CACNA1D: variants seen among roughly 807,000 people sequenced by gnomAD.
CACNA1D encodes voltage-dependent L-type calcium channel subunit alpha-1D.
A neutral mutation model predicts 257.1 loss-of-function variants in CACNA1D; 55 were observed. The observed-to-expected ratio is 0.21, with a 90% CI of 0.17 to 0.27. The LOEUF is 0.27. CACNA1D is among the 10% of genes least tolerant of loss of function. The probability of loss-of-function intolerance (pLI) is 1.00; values close to 1 mark genes in which losing one functional copy is unlikely to be tolerated. For synonymous variants in CACNA1D, 980 were observed against 1,014.9 expected (o/e 0.97, Z 0.65); for missense variants, 1,876 against 2,784.0 (o/e 0.67, Z 7.34).
intron 3 of CACNA1D, among the ~76,000 whole-genome samples, chr3:53,628,036 T>C (rs2093779848): frequency 6.6e-6 from 1 of 151,794 alleles, no homozygotes; most frequent in South Asian, 2.1e-4. Flanking sequence ...AATAAATAAA[T>C]AAAATAAAAT....
intron 3 of CACNA1D, among the ~76,000 whole-genome samples, chr3:53,552,897 T>G (rs972516463): frequency 2.0e-5 from 3 of 152,236 alleles, no homozygotes; most frequent in Non-Finnish European, 4.4e-5. Flanking sequence ...TTTTATTTTG[T>G]GTATTCCCAC....
At chr3:53,808,570 G>A (rs111589544) in intron 45 of CACNA1D, 79 bp from the exon 46 acceptor site, 65 of 1,569,454 alleles carry the variant, frequency 4.1e-5, no homozygotes, top group Non-Finnish European at 5.2e-5. Flanking sequence ...CTGAGCATCC[G>A]GGGCCACCCT....
chr3:53,628,421 A>G (rs1258376991), intron 3 of CACNA1D, among the ~76,000 whole-genome samples: 1 of 152,236 alleles, frequency 6.6e-6, no homozygotes, highest in Non-Finnish European at 1.5e-5. Flanking sequence ...CTGACAGACC[A>G]AATTATAGTA....
intron 3 of CACNA1D, among the ~76,000 whole-genome samples, chr3:53,582,531 T>C (rs751383118): frequency 1.3e-5 from 2 of 152,034 alleles, no homozygotes; most frequent in Non-Finnish European, 2.9e-5. Flanking sequence ...GGGACTGGGA[T>C]GTGAACATTT....
intron 47 of CACNA1D, 145 bp downstream of exon 47, chr3:53,810,443 T>A: frequency 1.3e-6 from 1 of 793,258 alleles, no homozygotes; most frequent in Non-Finnish European, 2.2e-6. Context: ...AGCAGGAATG[T>A]ACCTGAAGCA....
chr3:53,683,710 C>T lies in CACNA1D; in HGVS notation c.1220+10584C>T, dbSNP rs554066186. 2.0e-5 allele frequency among the ~76,000 whole-genome samples: 3 copies of T among 152,052 alleles called. No homozygotes were observed. In the South Asian group the frequency reaches 6.2e-4, roughly 32 times the overall value. On this transcript the variant is annotated intron_variant, in intron 8 of 47. Transcript: ENST00000350061. ...ACATAATAAAAGAATAGGTAAATCT[C>T]AGTAGGTAAATAGAAACAGTACAAT... is the stretch of plus-strand genomic sequence containing the variant.
intron 44 of CACNA1D, among the ~76,000 whole-genome samples, chr3:53,804,465 T>A (rs182840944): frequency 1.5e-3 from 230 of 152,260 alleles, no homozygotes; most frequent in African/African-American, 5.3e-3. Context: ...GCTTTTTATT[T>A]CCATGACTGG....
chr3:53,732,744 G>A (rs2095010677), intron 18 of CACNA1D, 71 bp from the exon 19 acceptor site: 2 of 1,442,778 alleles, frequency 1.4e-6, no homozygotes, highest in East Asian at 4.5e-5. Context: ...ATTTGCATGT[G>A]AAATTAAGAA....
intron 3 of CACNA1D, among the ~76,000 whole-genome samples, chr3:53,524,186 T>C (rs1228686310): frequency 6.6e-6 from 1 of 152,144 alleles, no homozygotes; most frequent in Non-Finnish European, 1.5e-5. Flanking sequence ...CAGAGAACAG[T>C]CAGGTTTGTG....
chr3:53,567,455 C>A (rs764082), intron 3 of CACNA1D, among the ~76,000 whole-genome samples: 1 of 152,222 alleles, frequency 6.6e-6, no homozygotes, highest in Non-Finnish European at 1.5e-5. Flanking sequence ...AAAGTCTCTT[C>A]TGAGTAAATT....
chr3:53,506,416 CCTGA>C (rs1242177032), intron 3 of CACNA1D, among the ~76,000 whole-genome samples: 1 of 152,154 alleles, frequency 6.6e-6, no homozygotes, highest in African/African-American at 2.4e-5. Flanking sequence ...GGTCTGACAG[CCTGA>C]CTCTTTGGCT....
chr3:53,550,707 A>G (rs1178503809), intron 3 of CACNA1D, among the ~76,000 whole-genome samples: 2 of 152,124 alleles, frequency 1.3e-5, no homozygotes, highest in African/African-American at 4.8e-5. Context: ...ATTGCTCCAT[A>G]TCTGAGGAAA....
chr3:53,658,863 C>T (rs1041618415), intron 4 of CACNA1D, among the ~76,000 whole-genome samples: 4 of 152,242 alleles, frequency 2.6e-5, no homozygotes, highest in South Asian at 2.1e-4. Flanking sequence ...TGGCTGGGTT[C>T]GTTGCTAATT....
At position 53,800,943 on chromosome 3, in the gene CACNA1D, G is replaced by A; in HGVS notation, c.5041-115G>A. The A allele has an allele frequency of 6.2e-6, 6 of 971,342 alleles. No homozygotes were observed. The South Asian group carries it at 7.8e-5, about 13-fold the overall frequency. 60.2% of individuals were successfully genotyped at this position (971,342 alleles called of 1,614,324 possible). On this transcript the variant is annotated intron_variant, in intron 41 of 47. Coordinates refer to ENST00000350061, the MANE Select transcript of CACNA1D (RefSeq NM_001128840.3). The surrounding 1 kb of genome is among the most constrained non-coding windows in gnomAD (Gnocchi z 4.3). ...TGAGACACTCAGATTGTTTTACAGG[G>A]ATCCTACGGAGCTTGCCTAGAATTT...
intron 3 of CACNA1D, among the ~76,000 whole-genome samples, chr3:53,578,338 G>T (rs2093073733): frequency 6.6e-6 from 1 of 152,056 alleles, no homozygotes; most frequent in African/African-American, 2.4e-5. Context: ...GGCAGAGTGG[G>T]GTGGAAGGAG....
At chr3:53,669,781 T>C (rs2094305039) in intron 7 of CACNA1D, among the ~76,000 whole-genome samples, 1 of 152,202 alleles carries the variant, frequency 6.6e-6, no homozygotes, top group Non-Finnish European at 1.5e-5. Context: ...TAAATATAAT[T>C]GAGCTGTTGT....
At chr3:53,701,337 T>C (rs1376448242) in intron 8 of CACNA1D, among the ~76,000 whole-genome samples, 1 of 152,176 alleles carries the variant, frequency 6.6e-6, no homozygotes, top group Non-Finnish European at 1.5e-5. Flanking sequence ...TTTCACCATG[T>C]TGACCAGGCT....
At chr3:53,657,734 A>G (rs1001429008) in intron 4 of CACNA1D, among the ~76,000 whole-genome samples, 2 of 152,192 alleles carry the variant, frequency 1.3e-5, no homozygotes, top group Non-Finnish European at 2.9e-5. Flanking sequence ...TCAAATTCCT[A>G]CTCACTACAG....
intron 4 of CACNA1D, among the ~76,000 whole-genome samples, chr3:53,653,215 C>T (rs2094115898): frequency 6.6e-6 from 1 of 152,090 alleles, no homozygotes; most frequent in Admixed American, 6.5e-5. Flanking sequence ...CATGCCACTG[C>T]ACTCCAACCT....
Sources: gnomAD v4.1 joint callset for allele counts (sites outside exome capture counted in the v4.1 genomes callset) on GRCh38, gnomAD v4.1.1 for gene constraint, Gnocchi (gnomAD v3.1) non-coding constraint, MANE v1.5 for transcripts, NCBI Gene and HGNC (gene_info 2026-07-23, HGNC 2026-07-21) for gene names.